The following PHF20L1 variants were observed in gnomAD, a reference collection of about 807,000 sequenced individuals.
PHF20L1 encodes the protein PHD finger protein 20 like 1, also known as PHD finger protein 20-like protein 1.
A neutral mutation model predicts 125.5 loss-of-function variants in PHF20L1; 44 were observed. The ratio of observed to expected loss-of-function variants is 0.35; its 90% CI spans 0.28 to 0.45. The LOEUF (loss-of-function observed/expected upper bound fraction) is 0.45. PHF20L1 is among the 20% of genes least tolerant of loss of function. The pLI is 1.00. For synonymous variants in PHF20L1, 380 were observed against 403.1 expected, an observed-to-expected ratio of 0.94 and a Z score of 0.69; for missense variants, 1,012 against 1,217.2, an observed-to-expected ratio of 0.83 and a Z score of 2.51.
intron 4 of PHF20L1, among the ~76,000 whole-genome samples, chr8:132,795,949 TACTC>T (rs1832340039): frequency 6.6e-6 from 1 of 152,104 alleles, no homozygotes. Flanking sequence ...TATTGTGCTG[TACTC>T]ACTCCTTTTC....
At chr8:132,787,877 T>G (rs943251591) in intron 2 of PHF20L1, among the ~76,000 whole-genome samples, 4 of 152,144 alleles carry the variant, frequency 2.6e-5, no homozygotes, top group African/African-American at 7.2e-5. Flanking sequence ...TCTGTGTTAA[T>G]TTTTGTTATT....
At chr8:132,843,552 T>C in intron 19 of PHF20L1, 1 of 984,994 alleles carries the variant, frequency 1.0e-6, no homozygotes, top group Non-Finnish European at 1.2e-6. Flanking sequence ...TTATTTTGTT[T>C]AATTAATATC....
chr8:132,797,233 C>T (rs535133180), intron 4 of PHF20L1, among the ~76,000 whole-genome samples: 1 of 152,118 alleles, frequency 6.6e-6, no homozygotes, highest in South Asian at 2.1e-4. Flanking sequence ...CCGCTCCCCA[C>T]CTTGACAAAA....
At chr8:132,839,245 C>T (rs1837682532) in intron 17 of PHF20L1, 142 bp from the exon 18 acceptor site, 4 of 651,356 alleles carry the variant, frequency 6.1e-6, no homozygotes, top group Middle Eastern at 4.3e-4. Flanking sequence ...ACCAGTTCCT[C>T]AGAACGCTGT....
chr8:132,793,007 A>G (rs1038385292), intron 2 of PHF20L1, among the ~76,000 whole-genome samples: 2 of 144,696 alleles, frequency 1.4e-5, no homozygotes, highest in Admixed American at 7.2e-5. Flanking sequence ...CAGTGTTCCA[A>G]GAGATATAAA....
rs1216804950 is a variant in PHF20L1 at position 132,832,218 on chromosome 8, T to G, written c.1745-17T>G. ...CTGACACTTTATTAATATTTCTTTCTGTATCTTATGTTGCAGACTATTCAG... is the reference window on the plus strand; with the variant it reads ...CTGACACTTTATTAATATTTCTTTCGGTATCTTATGTTGCAGACTATTCAG... On this transcript the variant is annotated splice_polypyrimidine_tract_variant and intron_variant, in intron 14 of 20. Coordinates refer to ENST00000395386, the MANE Select transcript of PHF20L1 (RefSeq NM_016018.5). The G allele has an allele frequency of 6.7e-7, 1 of 1,499,416 alleles. No individual in the cohort carries two copies. Among genetic ancestry groups the G allele is most frequent in the Admixed American group, 1.7e-5 (1 of 58,302 alleles). 92.9% of individuals were successfully genotyped at this position (1,499,416 alleles called of 1,614,324 possible).
chr8:132,775,824 TGCGGAGG>T (rs1313290229), intron 1 of PHF20L1, among the ~76,000 whole-genome samples, 179 bp downstream of exon 1: 1 of 150,972 alleles, frequency 6.6e-6, no homozygotes, highest in Non-Finnish European at 1.5e-5. Flanking sequence ...CTTACCCCCC[TGCGGAGG>T]GCCGGATGGC....
At chr8:132,837,003 G>A (rs1837430764) in intron 16 of PHF20L1, among the ~76,000 whole-genome samples, 1 of 152,098 alleles carries the variant, frequency 6.6e-6, no homozygotes, top group Non-Finnish European at 1.5e-5. Context: ...TCACACGAAA[G>A]GGCAGGCTAC....
At chr8:132,807,603 T>C in intron 8 of PHF20L1, 1 of 391,432 alleles carries the variant, frequency 2.6e-6, no homozygotes, top group South Asian at 1.9e-5. Context: ...AGCAAGAAGA[T>C]TGTGTTTTGG....
At chr8:132,804,847 G>C (rs1372652093) in intron 8 of PHF20L1, 107 bp downstream of exon 8, 2 of 908,438 alleles carry the variant, frequency 2.2e-6, no homozygotes, top group Non-Finnish European at 3.4e-6. Context: ...TCATGGACCT[G>C]TTAATAACAA....
At chr8:132,803,009 A>C (rs906306780) in intron 6 of PHF20L1, among the ~76,000 whole-genome samples, 1 of 151,868 alleles carries the variant, frequency 6.6e-6, no homozygotes, top group Non-Finnish European at 1.5e-5. Context: ...TGTTAGGAAC[A>C]CTTTATACTT....
In PHF20L1 at chr8:132,844,308, AG is replaced by A; in HGVS notation, c.2902del (p.Glu968LysfsTer31). The part of the protein sequence containing the change: ...VTSRMDLIEK[E>X]VDVLESWLDF... Reference sequence around the variant, plus strand: ...CCAGCAGGATGGACCTAATAGAAAAAGAAGTCGATGGTAATTTAAGAAAGAA... The same window carrying A: ...CCAGCAGGATGGACCTAATAGAAAAAAAGTCGATGGTAATTTAAGAAAGAA... On this transcript the variant is annotated frameshift_variant, in exon 20 of 21. Coordinates refer to ENST00000395386, the MANE Select transcript of PHF20L1 (RefSeq NM_016018.5). LOFTEE classifies it high-confidence loss of function. The A allele has an allele frequency of 6.2e-7, 1 of 1,605,640 alleles. No homozygotes were observed. Among genetic ancestry groups the A allele is most frequent in the Non-Finnish European group, 8.5e-7 (1 of 1,176,006 alleles).
In PHF20L1 at chr8:132,825,295, A is replaced by G. The variant is rs1339450381; in HGVS notation, c.1668A>G (p.Arg556=). 6.5e-7 allele frequency: 1 copy of G among 1,543,086 alleles called. No individual in the cohort carries two copies. The highest frequency in any genetic ancestry group is 1.7e-5 in the Admixed American group (1 of 58,124). The change falls in exon 14 of 21, where the codon AGA becomes AGG. Residue 556 remains arginine (R), a synonymous_variant. Transcript: ENST00000395386. ...GAAAAGAAAAAGATAAGGAAAGAAG[A>G]GAGAAGAGAGACAAAGATCACTACA... ...GKRKEKDKER[R]EKRDKDHYRP...
At chr8:132,797,850 C>A (rs1832593717) in intron 4 of PHF20L1, among the ~76,000 whole-genome samples, 1 of 151,760 alleles carries the variant, frequency 6.6e-6, no homozygotes, top group African/African-American at 2.4e-5. Flanking sequence ...GTTTATAATT[C>A]TTTTATAAAG....
chr8:132,822,283 T>G (rs549324055), intron 12 of PHF20L1, among the ~76,000 whole-genome samples: 7 of 152,066 alleles, frequency 4.6e-5, no homozygotes, highest in Admixed American at 1.3e-4. Context: ...CGTTCATAAC[T>G]GTTTTATTTG....
chr8:132,825,029 T>G (rs1836010788), intron 13 of PHF20L1: 1 of 1,438,474 alleles, frequency 7.0e-7, no homozygotes, highest in Non-Finnish European at 9.4e-7. Flanking sequence ...CTGTGTTAAC[T>G]TTAAGGTATC....
At chr8:132,807,180 T>C (rs1266013234) in intron 8 of PHF20L1, 2 of 153,592 alleles carry the variant, frequency 1.3e-5, no homozygotes, top group Non-Finnish European at 2.9e-5. Context: ...TGTACACATA[T>C]GCATATTGCA....
chr8:132,794,038 A>G (rs949903431), intron 2 of PHF20L1, among the ~76,000 whole-genome samples: 1 of 152,088 alleles, frequency 6.6e-6, no homozygotes, highest in Non-Finnish European at 1.5e-5. Context: ...CCAACCATAT[A>G]TTTAGATGGT....
At chr8:132,789,025 G>C (rs1831373422) in intron 2 of PHF20L1, 2 of 152,090 alleles carry the variant, frequency 1.3e-5, no homozygotes, top group African/African-American at 2.4e-5. Flanking sequence ...CCCATGTAAA[G>C]CAGTTAATAA....
Sources: allele counts gnomAD v4.1 joint callset (sites outside exome capture counted in the v4.1 genomes callset), GRCh38; gene constraint gnomAD v4.1.1; transcripts MANE v1.5; gene names NCBI Gene and HGNC (gene_info 2026-07-23, HGNC 2026-07-21).